The following TRPV2 variants were observed in gnomAD, a reference collection of about 807,000 sequenced individuals.
TRPV2 encodes OTRPC2.
TRPV2 carries 58 observed loss-of-function variants against 91.0 expected under a neutral mutation model. The observed-to-expected ratio is 0.64, with a 90% CI of 0.52 to 0.79. The LOEUF is 0.79. Among genes scored for constraint, TRPV2 ranks in the 30% least tolerant of loss-of-function variants. TRPV2 has a pLI of 0.00. For synonymous variants in TRPV2, 417 were observed against 414.8 expected, an observed-to-expected ratio of 1.01 and a Z score of -0.06; for missense variants, 807 against 969.6, an observed-to-expected ratio of 0.83 and a Z score of 2.23.
At chr17:16,436,545 G>A (rs551360549) in intron 14 of TRPV2, among the ~76,000 whole-genome samples, 44 of 152,304 alleles carry the variant, frequency 2.9e-4, no homozygotes, top group Non-Finnish European at 5.3e-4. Context: ...ACACAAGTCT[G>A]TCACCTCCAG....
Position 16,427,525 on chromosome 17 carries a change from G to A in TRPV2, c.1328G>A (p.Gly443Glu), listed in dbSNP as rs775653453. ...GGCCACATCCTTATCCTGCTAGGGG[G>A]GATCTACCTCCTCGTGGGCCAGGTG... ...LTGHILILLG[G>E]IYLLVGQLWY... The change falls in exon 8 of 15, where the codon GGG (glycine) becomes GAG (glutamate). Residue 443 changes from glycine to glutamate, a missense_variant. By Grantham distance (98) the Gly-to-Glu change is moderately conservative. Transcript: ENST00000338560. 3.7e-6 allele frequency: 6 copies of A among 1,612,336 alleles called. No individual in the cohort carries two copies. Among genetic ancestry groups the A allele is most frequent in the Admixed American group, 1.7e-5 (1 of 59,878 alleles).
In TRPV2 at chr17:16,423,453, C is replaced by T; in HGVS notation, c.626-16C>T. The T allele has an allele frequency of 6.3e-7, 1 of 1,580,682 alleles. No homozygotes were observed. Among genetic ancestry groups the T allele is most frequent in the Non-Finnish European group, 8.6e-7 (1 of 1,160,566 alleles). ...AGCAGGAGGCCTGGGGCCCAAGCTG[C>T]TCTCTTGGCCTGCAGGTGAGCTACC... On this transcript the variant is annotated splice_polypyrimidine_tract_variant and intron_variant, in intron 4 of 14. Transcript: ENST00000338560.
Position 16,430,435 on chromosome 17 carries a change from T to C in TRPV2, c.1588-1349T>C, listed in dbSNP as rs545670422. 9.9e-5 allele frequency among the ~76,000 whole-genome samples: 15 copies of C among 152,124 alleles called. No individual in the cohort carries two copies. The South Asian group carries it at 3.1e-3, about 32-fold the overall frequency. On this transcript the variant is annotated intron_variant, in intron 10 of 14. Coordinates refer to ENST00000338560, the MANE Select transcript of TRPV2 (RefSeq NM_016113.5). ...TTAATGTCTGGCTTATTTTACTCAG[T>C]ATAATGTCCTCAAGGATCAGCCATG...
At position 16,429,823 on chromosome 17, in the gene TRPV2, C is replaced by CT. The variant is rs796472570; in HGVS notation, c.1587+853dup. On this transcript the variant is annotated intron_variant, in intron 10 of 14. Coordinates refer to ENST00000338560, the MANE Select transcript of TRPV2 (RefSeq NM_016113.5). ...GGAGGGATTTGGAGGTCCCCAGAGG[C>CT]TTTTTTTTTTTTAATTGTAGTAAAA... Among the ~76,000 whole-genome samples the CT allele has an allele frequency of 8.3e-3, 1,141 of 136,986 alleles. 15 individuals carry two copies. The highest frequency in any genetic ancestry group is 0.038 in the Middle Eastern group (10 of 262). The allele number at this position is 136,986 out of a possible 152,430, so 89.9% of individuals were successfully genotyped here.
Position 16,423,502 on chromosome 17 carries a change from A to G in TRPV2, c.659A>G (p.Lys220Arg), listed in dbSNP as rs1453861632. ...CCCCTCTCTTTGGCCGCTTGCACCA[A>G]GCAGTGGGATGTGGTAAGCTACCTC... The part of the protein sequence containing the change: ...ELPLSLAACT[K>R]QWDVVSYLLE... The change falls in exon 5 of 15, where the codon AAG becomes AGG. Residue 220 changes from lysine to arginine, a missense_variant. By Grantham distance (26) the Lys-to-Arg change is conservative. Transcript: ENST00000338560. 6.2e-7 allele frequency: 1 copy of G among 1,613,536 alleles called. No individual in the cohort carries two copies.
chr17:16,427,024 G>A (rs1386415611), intron 7 of TRPV2, 147 bp downstream of exon 7: 19 of 899,704 alleles, frequency 2.1e-5, no homozygotes, highest in South Asian at 6.8e-5. Context: ...CAGTACTAAC[G>A]GTGATACAGT....
At position 16,426,382 on chromosome 17, in the gene TRPV2, G is replaced by T; in HGVS notation, c.1095+113G>T. ...TCTGCCCCATTCCTGTGCCAGTGGG[G>T]GTGTGGCTGCATGTCCCAGCAGGCA... On this transcript the variant is annotated intron_variant, in intron 6 of 14. Coordinates refer to ENST00000338560, the MANE Select transcript of TRPV2 (RefSeq NM_016113.5). This position sits in a 1 kb window ranked among gnomAD's most constrained non-coding sequence, Gnocchi z 6.0. 2 of 1,339,656 alleles carry T rather than the reference G, an allele frequency of 1.5e-6. No homozygotes were observed. Among genetic ancestry groups the T allele is most frequent in the African/African-American group, 1.4e-5 (1 of 69,082 alleles). The allele number at this position is 1,339,656 out of a possible 1,614,324, so 83.0% of individuals were successfully genotyped here.
intron 10 of TRPV2, among the ~76,000 whole-genome samples, chr17:16,430,456 C>G (rs1025744829): frequency 1.8e-4 from 27 of 151,866 alleles, no homozygotes; most frequent in African/African-American, 5.5e-4. Context: ...CAAGGATCAG[C>G]CATGTTGTAG....
intron 4 of TRPV2, 57 bp downstream of exon 4, chr17:16,422,946 G>T: frequency 6.6e-7 from 1 of 1,519,302 alleles, no homozygotes; most frequent in African/African-American, 1.4e-5. Context: ...CCTGGTTCAA[G>T]GTCACATGGT....
chr17:16,420,048 G>A, intron 2 of TRPV2, 67 bp from the exon 3 acceptor site: 4 of 1,577,158 alleles, frequency 2.5e-6, no homozygotes, highest in Non-Finnish European at 3.5e-6. Context: ...GGCTCCCTGG[G>A]ATGGAGGGCT....
At chr17:16,416,953 A>T (rs74557074) in intron 1 of TRPV2, among the ~76,000 whole-genome samples, 4,188 of 152,280 alleles carry the variant, frequency 0.028, 156 homozygotes, top group African/African-American at 0.08. Flanking sequence ...CGTTGTGTAA[A>T]GAAAGGGTTG....
chr17:16,423,821 C>G, intron 5 of TRPV2, 54 bp downstream of exon 5: 1 of 1,480,618 alleles, frequency 6.8e-7, no homozygotes, highest in East Asian at 2.3e-5. Context: ...TAGGTCTCAT[C>G]CCAAAATTTC....
rs753316187 is a variant in TRPV2 at position 16,432,110 on chromosome 17, T to C, written c.1799T>C (p.Leu600Pro). 6.2e-7 allele frequency: 1 copy of C among 1,614,190 alleles called. No homozygotes were observed. The highest frequency in any genetic ancestry group is 8.5e-7 in the Non-Finnish European group (1 of 1,180,018). Residue 600 changes from leucine (L) to proline (P), a missense_variant, in exon 12 of 15, where the codon CTC (leucine) becomes CCC (proline). Coordinates refer to ENST00000338560, the MANE Select transcript of TRPV2 (RefSeq NM_016113.5). ...GGTATCCTGGAAGCCTCCTTGGAGC[T>C]CTTCAAATTCACCATCGGCATGGGC... Reference protein sequence around the residue: ...YRGILEASLELFKFTIGMGEL... With the variant: ...YRGILEASLEPFKFTIGMGEL...
rs747639480 is a variant in TRPV2, at chr17:16,420,185, C to T, written c.271C>T (p.Leu91=). Residue 91 remains leucine, a synonymous_variant, in exon 3 of 15, where the codon CTG becomes TTG. Coordinates refer to ENST00000338560, the MANE Select transcript of TRPV2 (RefSeq NM_016113.5). ...GGTCTCCCGGGGTGTCCCCGAGGATCTGGCTGGACTTCCAGAGTACCTGAG... is the reference window on the plus strand; with the variant it reads ...GGTCTCCCGGGGTGTCCCCGAGGATTTGGCTGGACTTCCAGAGTACCTGAG... ...NAVSRGVPED[L]AGLPEYLSKT... The T allele has an allele frequency of 3.1e-6, 5 of 1,614,152 alleles. No homozygotes were observed. The highest frequency in any genetic ancestry group is 3.4e-6 in the Non-Finnish European group (4 of 1,179,978).
At position 16,436,850 on chromosome 17, in the gene TRPV2, G is replaced by T. The variant is rs374417810; in HGVS notation, c.2256G>T (p.Glu752Asp). 1 of 1,614,156 alleles carries T rather than the reference G, an allele frequency of 6.2e-7. No individual in the cohort carries two copies. The change falls in exon 15 of 15, where the codon GAG becomes GAT. Residue 752 changes from glutamate (E) to aspartate (D), a missense_variant. Glu to Asp is a conservative substitution (Grantham distance 45, BLOSUM62 2). Transcript: ENST00000338560. ...AGGAGGATGAGGATGGTGCCTCTGA[G>T]GAAAACTATGTGCCCGTCCAGCTCC... Reference protein sequence around the residue: ...PPKEDEDGASEENYVPVQLLQ... With the variant: ...PPKEDEDGASDENYVPVQLLQ...
chr17:16,423,011 GC>G, intron 4 of TRPV2, 122 bp downstream of exon 4: 1 of 1,220,730 alleles, frequency 8.2e-7, no homozygotes, highest in Non-Finnish European at 1.1e-6. Context: ...CCGATGCCCT[GC>G]TTCTAACCAC....
At position 16,422,760 on chromosome 17, in the gene TRPV2, G is replaced by A. The variant is rs755817061; in HGVS notation, c.496G>A (p.Ala166Thr). 26 of 1,579,356 alleles carry A rather than the reference G, an allele frequency of 1.6e-5. No homozygotes were observed. The highest frequency in any genetic ancestry group is 2.7e-5 in the African/African-American group (2 of 74,014). ...CTDDYYRGHS[A>T]LHIAIEKRSL... ...AGATGACTATTACCGAGGCCACAGCGCTCTGCACATCGCCATTGAGAAGAG... is the reference window on the plus strand; with the variant it reads ...AGATGACTATTACCGAGGCCACAGCACTCTGCACATCGCCATTGAGAAGAG... The change falls in exon 4 of 15, where the codon GCT becomes ACT. Residue 166 changes from alanine (A) to threonine (T), a missense_variant. Transcript: ENST00000338560.
chr17:16,421,616 G>A (rs1452574193), intron 3 of TRPV2, among the ~76,000 whole-genome samples: 3 of 148,792 alleles, frequency 2.0e-5, no homozygotes. Flanking sequence ...CTGCCTCCCG[G>A]GTCCAAGCAA....
In TRPV2 at chr17:16,420,168, G is replaced by A. The variant is rs144086701; in HGVS notation, c.254G>A (p.Arg85Gln). The A allele has an allele frequency of 8.1e-6, 13 of 1,613,940 alleles. No homozygotes were observed. The highest frequency in any genetic ancestry group is 5.3e-5 in the African/African-American group (4 of 74,918). ...GATCGGCTCTTCAATGCGGTCTCCC[G>A]GGGTGTCCCCGAGGATCTGGCTGGA... The part of the protein sequence containing the change: ...DRDRLFNAVS[R>Q]GVPEDLAGLP... Residue 85 changes from arginine to glutamine, a missense_variant, in exon 3 of 15, where the codon CGG becomes CAG. Coordinates refer to ENST00000338560, the MANE Select transcript of TRPV2 (RefSeq NM_016113.5).
Sources: gnomAD v4.1 joint callset for allele counts (sites outside exome capture counted in the v4.1 genomes callset) on GRCh38, gnomAD v4.1.1 for gene constraint, Gnocchi (gnomAD v3.1) non-coding constraint, MANE v1.5 for transcripts, NCBI Gene and HGNC (gene_info 2026-07-23, HGNC 2026-07-21) for gene names.